Variants in CACHD1 observed in about 807,000 individuals in gnomAD.
CACHD1 encodes the protein cache domain containing 1.
Under a neutral mutation model 138.7 loss-of-function variants are expected in CACHD1, and 71 were observed. That is an observed-to-expected ratio of 0.51 (90% CI 0.42 to 0.62). The LOEUF (loss-of-function observed/expected upper bound fraction) is 0.62, where lower values mean the gene tolerates loss of function less well. Ranked by LOEUF, CACHD1 falls within the 20% of genes least tolerant of loss-of-function variation. The probability of loss-of-function intolerance (pLI) is 0.00; values close to 1 mark genes in which losing one functional copy is unlikely to be tolerated. For synonymous variants in CACHD1, 578 were observed against 591.5 expected, an observed-to-expected ratio of 0.98 and a Z score of 0.33; for missense variants, 1,389 against 1,625.3, an observed-to-expected ratio of 0.85 and a Z score of 2.50.
intron 3 of CACHD1, among the ~76,000 whole-genome samples, chr1:64,585,990 CA>C (rs11355359): frequency 0.051 from 7,825 of 152,230 alleles, 238 homozygotes; most frequent in Middle Eastern, 0.082. Flanking sequence ...ACCTTTGTTC[CA>C]ACCCCTCAGA....
At chr1:64,592,841 A>G (rs11208475) in intron 3 of CACHD1, among the ~76,000 whole-genome samples, 4,735 of 152,278 alleles carry the variant, frequency 0.031, 253 homozygotes, top group African/African-American at 0.11. Context: ...AAGTAATGAC[A>G]CCTTAAGGTA....
intron 4 of CACHD1, among the ~76,000 whole-genome samples, chr1:64,608,629 A>G (rs1009333922): frequency 6.6e-6 from 1 of 152,202 alleles, no homozygotes; most frequent in East Asian, 1.9e-4. Context: ...CCAGATCCCT[A>G]CTTTCTAAAT....
intron 12 of CACHD1, among the ~76,000 whole-genome samples, chr1:64,657,172 G>T (rs12725875): frequency 0.078 from 11,810 of 152,018 alleles, 670 homozygotes; most frequent in Admixed American, 0.18. Context: ...TGTTACACAG[G>T]CCTGCTTCAC....
intron 2 of CACHD1, among the ~76,000 whole-genome samples, chr1:64,560,936 G>C (rs979166748): frequency 1.3e-5 from 2 of 151,922 alleles, no homozygotes; most frequent in Non-Finnish European, 2.9e-5. Context: ...TTATTCTCCA[G>C]TAATATTATT....
chr1:64,506,897 G>A (rs1166264242), intron 1 of CACHD1, among the ~76,000 whole-genome samples: 4 of 152,222 alleles, frequency 2.6e-5, no homozygotes, highest in Non-Finnish European at 5.9e-5. Flanking sequence ...TTTTGGAACA[G>A]TTAGGAACCT....
intron 11 of CACHD1, among the ~76,000 whole-genome samples, chr1:64,654,292 G>A (rs1649194454): frequency 6.6e-6 from 1 of 152,204 alleles, no homozygotes; most frequent in Non-Finnish European, 1.5e-5. Flanking sequence ...CAAGTTGACA[G>A]CACAATCTTA....
At chr1:64,662,069 C>T (rs1649464433) in intron 13 of CACHD1, among the ~76,000 whole-genome samples, 2 of 152,292 alleles carry the variant, frequency 1.3e-5, no homozygotes, top group African/African-American at 4.8e-5. Flanking sequence ...GTCTACCAAT[C>T]CAGAAGAAAC....
At chr1:64,584,189 G>A (rs1570390917) in intron 3 of CACHD1, among the ~76,000 whole-genome samples, 1 of 152,040 alleles carries the variant, frequency 6.6e-6, no homozygotes, top group South Asian at 2.1e-4. Context: ...ATGTCTGGAC[G>A]CATTTTCAGT....
intron 5 of CACHD1, among the ~76,000 whole-genome samples, chr1:64,631,068 A>G (rs1444810383): frequency 6.6e-6 from 1 of 152,240 alleles, no homozygotes; most frequent in Non-Finnish European, 1.5e-5. Context: ...GAAGTGGTAG[A>G]TACCAGTCAT....
intron 19 of CACHD1, among the ~76,000 whole-genome samples, chr1:64,673,905 A>G (rs1405228199): frequency 6.6e-6 from 1 of 152,196 alleles, no homozygotes; most frequent in Non-Finnish European, 1.5e-5. Context: ...TATGTAAATC[A>G]TCTGAAAATA....
At chr1:64,573,395 C>G (rs1346216818) in intron 2 of CACHD1, among the ~76,000 whole-genome samples, 3 of 152,208 alleles carry the variant, frequency 2.0e-5, no homozygotes, top group African/African-American at 7.2e-5. Context: ...TCTTTGACTT[C>G]CCACTTTACA....
intron 12 of CACHD1, among the ~76,000 whole-genome samples, chr1:64,658,213 T>C (rs538340130): frequency 6.6e-6 from 1 of 152,234 alleles, no homozygotes; most frequent in African/African-American, 2.4e-5. Flanking sequence ...ATAGAATGAA[T>C]GAACTGGATT....
At chr1:64,650,530 A>G (rs1649055745) in intron 9 of CACHD1, among the ~76,000 whole-genome samples, 1 of 152,226 alleles carries the variant, frequency 6.6e-6, no homozygotes, top group Admixed American at 6.5e-5. Flanking sequence ...TGCTTAAAAA[A>G]TGCTTTTGAG....
chr1:64,678,166 T>C lies in CACHD1; in HGVS notation c.3100T>C (p.Phe1034Leu), dbSNP rs1429277233. The C allele has an allele frequency of 6.2e-7, 1 of 1,611,076 alleles. No homozygotes were observed. The highest frequency in any genetic ancestry group is 1.3e-5 in the African/African-American group (1 of 74,776). ...CSQRLESGDC[F>L]GVLDCEWCMV... ...GTATTGTTTTTCTGGCAGGGACTGT[T>C]TTGGGGTGCTGGATTGTGAATGGTG... is the stretch of plus-strand genomic sequence containing the variant. The change falls in exon 23 of 27, where the codon TTT becomes CTT. Residue 1034 changes from phenylalanine (F) to leucine (L), a missense_variant. Phe to Leu is a conservative substitution (Grantham distance 22). Transcript: ENST00000651257.
chr1:64,676,176 C>A (rs1195216225), intron 21 of CACHD1, among the ~76,000 whole-genome samples, 193 bp downstream of exon 21: 1 of 151,854 alleles, frequency 6.6e-6, no homozygotes, highest in African/African-American at 2.4e-5. Context: ...ATGCCTGTTT[C>A]AAGGTTTAAA....
chr1:64,523,945 A>T (rs1222774035), intron 1 of CACHD1, among the ~76,000 whole-genome samples: 1 of 152,084 alleles, frequency 6.6e-6, no homozygotes, highest in Non-Finnish European at 1.5e-5. Flanking sequence ...TTATCCAAGA[A>T]CAAGATTCTT....
chr1:64,615,607 A>C (rs1405792341), intron 4 of CACHD1, among the ~76,000 whole-genome samples: 1 of 152,242 alleles, frequency 6.6e-6, no homozygotes, highest in Non-Finnish European at 1.5e-5. Flanking sequence ...AATGAAAGTC[A>C]CTAGGATTTT....
At chr1:64,474,743 C>G (rs1010648399) in intron 1 of CACHD1, among the ~76,000 whole-genome samples, 2 of 152,250 alleles carry the variant, frequency 1.3e-5, no homozygotes, top group Non-Finnish European at 2.9e-5. Context: ...AGCCATTTCG[C>G]CAGGCACTTA....
intron 1 of CACHD1, among the ~76,000 whole-genome samples, chr1:64,505,546 C>CCGCCCCGCCCCCTCCTCTGGGGCA (rs1253730552): frequency 5.5e-5 from 8 of 144,362 alleles, no homozygotes; most frequent in Non-Finnish European, 1.1e-4. Flanking sequence ...GGGCCGCGCC[C>CCGCCCCGCCCCCTCCTCTGGGGCA]CGCCCCGCCC....
Sources: gnomAD v4.1 joint callset for allele counts (sites outside exome capture counted in the v4.1 genomes callset) on GRCh38, gnomAD v4.1.1 for gene constraint, MANE v1.5 for transcripts, NCBI Gene and HGNC (gene_info 2026-07-23, HGNC 2026-07-21) for gene names.